DNAH14: variants seen among roughly 807,000 people sequenced by gnomAD.
The protein encoded by DNAH14 is dynein axonemal heavy chain 14, also known as axonemal beta dynein heavy chain 14.
In DNAH14, 478 loss-of-function variants were observed where a neutral mutation model predicts 520.9. The observed-to-expected ratio is 0.92, with a 90% confidence interval of 0.85 to 0.99. DNAH14 has a LOEUF of 0.99. Ranked by LOEUF, DNAH14 falls within the 50% of genes least tolerant of loss-of-function variation. The pLI is 0.00. For missense variants in DNAH14, 4,831 were observed against 5,234.5 expected (o/e 0.92, Z 2.38); for synonymous variants, 1,581 against 1,757.2 (o/e 0.90, Z 2.51).
intron 21 of DNAH14, among the ~76,000 whole-genome samples, chr1:225,086,131 A>AATT (rs1358073294): frequency 2.0e-5 from 3 of 147,900 alleles, no homozygotes; most frequent in Admixed American, 6.8e-5. Flanking sequence ...TAATAATAAT[A>AATT]ATTATTATTA....
intron 36 of DNAH14, among the ~76,000 whole-genome samples, chr1:225,171,696 G>A (rs1331425090): frequency 6.6e-6 from 1 of 152,162 alleles, no homozygotes; most frequent in Non-Finnish European, 1.5e-5. Flanking sequence ...GAGGTACAAG[G>A]AGGAGCTGGT....
At chr1:225,055,074 G>A (rs193096531) in intron 17 of DNAH14, among the ~76,000 whole-genome samples, 80 of 150,870 alleles carry the variant, frequency 5.3e-4, no homozygotes, top group Admixed American at 1.9e-3. Flanking sequence ...GTTCATTTTG[G>A]GAGTTTTATT....
chr1:224,960,200 C>T lies in DNAH14; in HGVS notation c.265C>T (p.Pro89Ser), dbSNP rs898303474. 1.2e-6 allele frequency: 2 copies of T among 1,608,162 alleles called. No homozygotes were observed. Among genetic ancestry groups the T allele is most frequent in the Non-Finnish European group, 1.7e-6 (2 of 1,177,874 alleles). Reference sequence around the variant, plus strand: ...TCAACAACATATGGTTTCTCCAGAGCCAGCTTCCCTTAAGGAGAAAGGGAA... The same window carrying T: ...TCAACAACATATGGTTTCTCCAGAGTCAGCTTCCCTTAAGGAGAAAGGGAA... ...IIQQHMVSPE[P>S]ASLKEKGKSR... Residue 89 changes from proline (P) to serine (S), a missense_variant, in exon 4 of 86, where the codon CCA becomes TCA. Pro to Ser is a moderately conservative substitution (Grantham distance 74). Coordinates refer to ENST00000682510, the MANE Select transcript of DNAH14 (RefSeq NM_001367479.1).
intron 11 of DNAH14, among the ~76,000 whole-genome samples, chr1:225,034,105 A>G (rs2066751298): frequency 6.6e-6 from 1 of 152,142 alleles, no homozygotes; most frequent in Admixed American, 6.5e-5. Context: ...TATGTTGAAT[A>G]GGAGTGGTGA....
At chr1:225,131,286 G>A (rs530456542) in intron 27 of DNAH14, among the ~76,000 whole-genome samples, 1 of 152,222 alleles carries the variant, frequency 6.6e-6, no homozygotes, top group Admixed American at 6.5e-5. Context: ...TAGGTTAGAA[G>A]GCCAACCCAC....
At chr1:225,309,882 A>G (rs2094324458) in intron 60 of DNAH14, among the ~76,000 whole-genome samples, 1 of 151,872 alleles carries the variant, frequency 6.6e-6, no homozygotes. Context: ...AGAGAGCAAG[A>G]CTCGGAGGGG....
At chr1:225,148,851 G>A (rs1321405861) in intron 31 of DNAH14, among the ~76,000 whole-genome samples, 2 of 151,908 alleles carry the variant, frequency 1.3e-5, no homozygotes, top group African/African-American at 4.8e-5. Context: ...TTAGGCCTTT[G>A]TCAGATGCAT....
At chr1:225,011,758 C>CTTTTTTTTTTTTTTTTT (rs200216236) in intron 10 of DNAH14, among the ~76,000 whole-genome samples, 1 of 82,156 alleles carries the variant, frequency 1.2e-5, no homozygotes, top group Admixed American at 1.4e-4. Context: ...GCAACCTCTG[C>CTTTTTTTTTTTTTTTTT]TTTTTTTTTT....
chr1:225,377,458 T>C (rs1344931518), intron 79 of DNAH14, 22 bp downstream of exon 79: 5 of 1,526,416 alleles, frequency 3.3e-6, no homozygotes, highest in South Asian at 2.5e-5. Flanking sequence ...CTAGGAAAAA[T>C]TGTTGGTCAA....
At chr1:225,049,312 C>T (rs939577902) in intron 15 of DNAH14, among the ~76,000 whole-genome samples, 79 of 151,934 alleles carry the variant, frequency 5.2e-4, no homozygotes, top group African/African-American at 1.9e-3. Flanking sequence ...CCACCCACCT[C>T]GGCCTCCCAA....
chr1:225,310,058 GAAAA>G (rs569245148), intron 60 of DNAH14, among the ~76,000 whole-genome samples: 31 of 149,886 alleles, frequency 2.1e-4, no homozygotes, highest in African/African-American at 6.9e-4. Context: ...AATAAAAAAA[GAAAA>G]ATAAATAAAT....
intron 84 of DNAH14, chr1:225,396,712 G>C (rs2096015776): frequency 1.3e-5 from 2 of 152,162 alleles, no homozygotes; most frequent in South Asian, 4.1e-4. Flanking sequence ...CCACTGAGTT[G>C]AAGTAAGATT....
At chr1:225,253,652 C>T (rs1055657792) in intron 44 of DNAH14, among the ~76,000 whole-genome samples, 3 of 151,952 alleles carry the variant, frequency 2.0e-5, no homozygotes, top group Non-Finnish European at 4.4e-5. Flanking sequence ...TTGAAGGTCA[C>T]CCAACATTCA....
At chr1:225,099,676 A>G (rs1384262770) in intron 22 of DNAH14, among the ~76,000 whole-genome samples, 2 of 152,178 alleles carry the variant, frequency 1.3e-5, no homozygotes, top group African/African-American at 4.8e-5. Flanking sequence ...AAATGGCAGA[A>G]CAAGGGAATC....
intron 66 of DNAH14, among the ~76,000 whole-genome samples, chr1:225,336,838 C>G (rs960390997): frequency 2.0e-5 from 3 of 152,146 alleles, no homozygotes; most frequent in African/African-American, 7.2e-5. Context: ...AGTAATTTCA[C>G]TATGTGGTAT....
At position 225,231,187 on chromosome 1, in the gene DNAH14, A is replaced by C. The variant is rs981378392; in HGVS notation, c.6518+36A>C. The C allele has an allele frequency of 9.7e-6, 14 of 1,440,144 alleles. No homozygotes were observed. In the East Asian group the frequency reaches 3.1e-4, roughly 32 times the overall value. The allele number at this position is 1,440,144 out of a possible 1,614,324, so 89.2% of individuals were successfully genotyped here. On this transcript the variant is annotated intron_variant, in intron 42 of 85. Coordinates refer to ENST00000682510, the MANE Select transcript of DNAH14 (RefSeq NM_001367479.1). ...TTCCTTCAGAAAACATGTTTTAATA[A>C]CCATTAGGTGCCAGACCCTCAAATA...
At chr1:225,042,152 G>C (rs1409149389) in intron 12 of DNAH14, among the ~76,000 whole-genome samples, 2 of 152,112 alleles carry the variant, frequency 1.3e-5, no homozygotes, top group Admixed American at 1.3e-4. Flanking sequence ...TTAATGTCTG[G>C]AATTAGAGGT....
intron 81 of DNAH14, among the ~76,000 whole-genome samples, chr1:225,384,721 T>C (rs2095820498): frequency 6.6e-6 from 1 of 152,152 alleles, no homozygotes; most frequent in Non-Finnish European, 1.5e-5. Context: ...GGTTCTGAAA[T>C]TGAGGCAATA....
intron 3 of DNAH14, among the ~76,000 whole-genome samples, chr1:224,956,048 A>G (rs932788697): frequency 1.3e-5 from 2 of 152,124 alleles, no homozygotes; most frequent in Non-Finnish European, 2.9e-5. Flanking sequence ...TTTGTATTTT[A>G]CTGCACCATT....
Sources: gnomAD v4.1 joint callset for allele counts (sites outside exome capture counted in the v4.1 genomes callset) on GRCh38, gnomAD v4.1.1 for gene constraint, MANE v1.5 for transcripts, NCBI Gene and HGNC (gene_info 2026-07-23, HGNC 2026-07-21) for gene names.